The following GPHN variants were observed in gnomAD, a reference collection of about 807,000 sequenced individuals.
GPHN encodes the protein gephyrin.
Under a neutral mutation model 95.5 loss-of-function variants are expected in GPHN, and 17 were observed. That is an observed-to-expected ratio of 0.18 (90% CI 0.12 to 0.27). GPHN has a LOEUF of 0.27. GPHN is among the 10% of genes least tolerant of loss of function. The pLI, the probability that GPHN is intolerant of heterozygous loss-of-function variation, is 1.00. For synonymous variants in GPHN, 320 were observed against 322.5 expected, an observed-to-expected ratio of 0.99 and a Z score of 0.08; for missense variants, 660 against 978.1, an observed-to-expected ratio of 0.67 and a Z score of 4.34.
At chr14:66,635,769 G>A (rs1005866046) in intron 1 of GPHN, among the ~76,000 whole-genome samples, 9 of 152,246 alleles carry the variant, frequency 5.9e-5, no homozygotes, top group Admixed American at 1.3e-4. Flanking sequence ...AGTTTTTAAG[G>A]CTTTTGTGTT....
chr14:67,674,600 C>T, the GPHN span: 2 of 842,876 alleles, frequency 2.4e-6, no homozygotes, highest in East Asian at 3.2e-5. Flanking sequence ...CGCCGCACCA[C>T]CGCCGCCCAG....
chr14:67,296,791 G>C, the GPHN span, among the ~76,000 whole-genome samples: 1 of 152,094 alleles, frequency 6.6e-6, no homozygotes, highest in East Asian at 1.9e-4. Flanking sequence ...CTGCTGTGCA[G>C]TGGCATAATT....
intron 1 of GPHN, among the ~76,000 whole-genome samples, chr14:66,550,853 T>TG (rs1269724817): frequency 2.0e-5 from 3 of 151,976 alleles, no homozygotes; most frequent in Non-Finnish European, 4.4e-5. Flanking sequence ...AAGGTTTTTT[T>TG]TTGTTGTTGT....
chr14:67,004,364 A>G (rs980614674), intron 9 of GPHN, among the ~76,000 whole-genome samples: 2 of 151,924 alleles, frequency 1.3e-5, no homozygotes, highest in South Asian at 2.1e-4. Context: ...ATAAGTCAGC[A>G]AGCATTTATT....
chr14:67,573,876 C>T, the GPHN span: 3 of 1,612,418 alleles, frequency 1.9e-6, no homozygotes, highest in Non-Finnish European at 2.5e-6. The surrounding 1 kb of genome is among the most constrained non-coding windows in gnomAD (Gnocchi z 4.8). Flanking sequence ...GGAGGGTTCA[C>T]AGACGTTTCA....
At chr14:66,866,374 CT>C (rs1367571146) in intron 4 of GPHN, among the ~76,000 whole-genome samples, 1 of 152,102 alleles carries the variant, frequency 6.6e-6, no homozygotes, top group East Asian at 1.9e-4. Context: ...TATCAATATT[CT>C]TTCATCTTTT....
intron 17 of GPHN, among the ~76,000 whole-genome samples, chr14:67,140,359 G>T (rs1835177535): frequency 6.7e-6 from 1 of 149,444 alleles, no homozygotes; most frequent in Non-Finnish European, 1.5e-5. Context: ...ACTCCAGTCT[G>T]GGCAACAAGA....
chr14:67,186,149 A>G (rs2083367009), downstream of GPHN, among the ~76,000 whole-genome samples: 2 of 152,194 alleles, frequency 1.3e-5, no homozygotes, highest in Non-Finnish European at 2.9e-5. Flanking sequence ...GCATTTCTTA[A>G]ACTCCTACAG....
At chr14:66,972,340 T>C (rs1323329762) in intron 9 of GPHN, among the ~76,000 whole-genome samples, 3 of 149,210 alleles carry the variant, frequency 2.0e-5, no homozygotes, top group South Asian at 2.1e-4. Context: ...AAGCAACAAA[T>C]AGTTTTTTCT....
chr14:67,500,774 T>C, the GPHN span, among the ~76,000 whole-genome samples: 1 of 151,736 alleles, frequency 6.6e-6, no homozygotes, highest in Non-Finnish European at 1.5e-5. Context: ...GGTTTCACCG[T>C]GTTAGCCAGG....
chr14:67,656,941 T>A, the GPHN span, among the ~76,000 whole-genome samples: 1 of 152,224 alleles, frequency 6.6e-6, no homozygotes, highest in East Asian at 1.9e-4. Context: ...AGCCCAGATG[T>A]GGGAGCTACC....
At chr14:67,265,964 A>G in the GPHN span, among the ~76,000 whole-genome samples, 5 of 152,062 alleles carry the variant, frequency 3.3e-5, no homozygotes, top group Admixed American at 1.3e-4. Context: ...TTTAAAAAAA[A>G]TCTGTAAAAG....
intron 2 of GPHN, among the ~76,000 whole-genome samples, chr14:66,770,470 A>G (rs769490048): frequency 2.0e-5 from 3 of 152,134 alleles, no homozygotes; most frequent in Non-Finnish European, 4.4e-5. Context: ...GGATTTTACT[A>G]TAATGGTACC....
intron 1 of GPHN, among the ~76,000 whole-genome samples, chr14:66,642,762 T>C (rs2064497134): frequency 6.6e-6 from 1 of 152,062 alleles, no homozygotes; most frequent in Non-Finnish European, 1.5e-5. Context: ...TTTTTTTAAG[T>C]ATAATGGAGA....
At chr14:67,381,795 A>T in the GPHN span, 5,115 of 817,544 alleles carry the variant, frequency 6.3e-3, 32 homozygotes, top group Middle Eastern at 0.012. Context: ...TCATAACAAA[A>T]GTGGGTTTTT....
intron 3 of GPHN, among the ~76,000 whole-genome samples, chr14:66,790,870 C>A (rs540319198): frequency 1.1e-4 from 16 of 152,366 alleles, no homozygotes; most frequent in African/African-American, 3.6e-4. Context: ...GAAAAAAGCT[C>A]TCCATGTCCC....
intron 4 of GPHN, among the ~76,000 whole-genome samples, chr14:66,867,350 A>G (rs1253888887): frequency 6.6e-6 from 1 of 152,210 alleles, no homozygotes; most frequent in Non-Finnish European, 1.5e-5. Flanking sequence ...TAAAAATAAA[A>G]TCTGTAAATG....
the GPHN span, among the ~76,000 whole-genome samples, chr14:67,631,544 T>C: frequency 6.7e-6 from 1 of 148,916 alleles, no homozygotes; most frequent in African/African-American, 2.5e-5. Flanking sequence ...CAAACGATCC[T>C]CCTACTTTAG....
At chr14:67,197,383 A>G in the GPHN span, 3 of 152,172 alleles carry the variant, frequency 2.0e-5, no homozygotes, top group African/African-American at 7.2e-5. Context: ...TCTTACAGAT[A>G]AACCATGTGG....
Sources: gnomAD v4.1 joint callset for allele counts (sites outside exome capture counted in the v4.1 genomes callset) on GRCh38, gnomAD v4.1.1 for gene constraint, Gnocchi (gnomAD v3.1) non-coding constraint, MANE v1.5 for transcripts, NCBI Gene and HGNC (gene_info 2026-07-23, HGNC 2026-07-21) for gene names.